Variants in DNAH8 observed in about 807,000 individuals in gnomAD.
The protein encoded by DNAH8 is dynein axonemal heavy chain 8, also known as axonemal beta dynein heavy chain 8.
In DNAH8, 382 loss-of-function variants were observed where a neutral mutation model predicts 562.1. That is an observed-to-expected ratio of 0.68 (90% CI 0.63 to 0.74). The LOEUF (loss-of-function observed/expected upper bound fraction) is 0.74. DNAH8 is among the 30% of genes least tolerant of loss of function. DNAH8 has a pLI of 0.00. For synonymous variants in DNAH8, 1,881 were observed against 1,919.4 expected, an observed-to-expected ratio of 0.98 and a Z score of 0.52; for missense variants, 5,203 against 5,620.4, an observed-to-expected ratio of 0.93 and a Z score of 2.37.
intron 29 of DNAH8, among the ~76,000 whole-genome samples, 197 bp downstream of exon 29, chr6:38,826,588 G>A (rs1362085091): frequency 6.6e-6 from 1 of 152,158 alleles, no homozygotes; most frequent in East Asian, 1.9e-4. Context: ...AGACACTGTT[G>A]TAATACAAAG....
At chr6:38,826,433 G>A (rs527664281) in intron 29 of DNAH8, 42 bp downstream of exon 29, 5 of 1,309,656 alleles carry the variant, frequency 3.8e-6, no homozygotes, top group East Asian at 2.3e-5. Context: ...ATGCTTTTTT[G>A]TTTTTTAAAG....
intron 88 of DNAH8, among the ~76,000 whole-genome samples, chr6:39,006,524 T>C (rs1765808160): frequency 6.6e-6 from 1 of 152,228 alleles, no homozygotes; most frequent in South Asian, 2.1e-4. Context: ...CTTGTTTCCT[T>C]ACAACTTTTT....
chr6:38,832,003 G>A (rs1047871465), intron 30 of DNAH8, among the ~76,000 whole-genome samples: 1 of 152,052 alleles, frequency 6.6e-6, no homozygotes, highest in Non-Finnish European at 1.5e-5. Flanking sequence ...CTAATCCCAA[G>A]TCTTGGCCTA....
At chr6:38,954,207 C>G (rs1017121484) in intron 82 of DNAH8, among the ~76,000 whole-genome samples, 2 of 152,046 alleles carry the variant, frequency 1.3e-5, no homozygotes, top group African/African-American at 4.8e-5. Flanking sequence ...AGCACGAGAG[C>G]CTTTCTAGGA....
intron 88 of DNAH8, among the ~76,000 whole-genome samples, chr6:39,006,517 GTT>G (rs753845204): frequency 6.6e-6 from 1 of 152,092 alleles, no homozygotes; most frequent in Non-Finnish European, 1.5e-5. Context: ...ACAGTTCCTT[GTT>G]TCCTTACAAC....
At chr6:38,889,890 T>C (rs888816732) in intron 57 of DNAH8, among the ~76,000 whole-genome samples, 1 of 122,126 alleles carries the variant, frequency 8.2e-6, no homozygotes, top group African/African-American at 2.8e-5. Flanking sequence ...TGAGCAGATA[T>C]TCATATTCCT....
rs754426830 is a variant in DNAH8 at position 38,917,229 on chromosome 6, C to T, written c.10141-10C>T. ...ACAAACAAAATATTGATCCTTAATC[C>T]CAAATATAGACTATCAAGCCAAATG... On this transcript the variant is annotated splice_polypyrimidine_tract_variant and intron_variant, in intron 68 of 92. Coordinates refer to ENST00000327475, the MANE Select transcript of DNAH8 (RefSeq NM_001206927.2). The T allele has an allele frequency of 1.9e-6, 3 of 1,548,718 alleles. No homozygotes were observed. The highest frequency in any genetic ancestry group is 1.8e-5 in the Admixed American group (1 of 54,464).
chr6:38,762,806 C>T (rs1034940653), intron 11 of DNAH8: 1 of 176,486 alleles, frequency 5.7e-6, no homozygotes, highest in Non-Finnish European at 1.2e-5. Flanking sequence ...GCCCTCCACC[C>T]AGGATGGGAA....
At chr6:38,729,520 T>C (rs1186056925) in intron 3 of DNAH8, among the ~76,000 whole-genome samples, 2 of 152,216 alleles carry the variant, frequency 1.3e-5, no homozygotes, top group Admixed American at 6.5e-5. Context: ...GCTCAAATAA[T>C]TGGTCAACAA....
intron 67 of DNAH8, 124 bp from the exon 68 acceptor site, chr6:38,915,077 G>A: frequency 1.3e-6 from 1 of 798,550 alleles, no homozygotes; most frequent in Non-Finnish European, 1.9e-6. Context: ...AGACAACTTA[G>A]GAAATAAGTT....
chr6:38,806,865 C>T (rs1771324877), intron 23 of DNAH8, among the ~76,000 whole-genome samples: 1 of 152,140 alleles, frequency 6.6e-6, no homozygotes, highest in African/African-American at 2.4e-5. Flanking sequence ...TGACTGTACC[C>T]CACTGCCACA....
intron 30 of DNAH8, among the ~76,000 whole-genome samples, chr6:38,830,758 T>A (rs1773770773): frequency 6.6e-6 from 1 of 152,140 alleles, no homozygotes. Flanking sequence ...ATGGAAATAT[T>A]TGTCACTTAT....
intron 3 of DNAH8, among the ~76,000 whole-genome samples, chr6:38,724,597 A>G (rs1763053354): frequency 6.6e-6 from 1 of 152,206 alleles, no homozygotes; most frequent in Middle Eastern, 3.4e-3. Flanking sequence ...GATTATACCT[A>G]TTTTCCTGGC....
In DNAH8 at chr6:38,862,411, A is replaced by G. The variant is rs1459353320; in HGVS notation, c.6263A>G (p.Asn2088Ser). The G allele has an allele frequency of 5.0e-6, 8 of 1,614,012 alleles. No homozygotes were observed. The highest frequency in any genetic ancestry group is 2.2e-5 in the East Asian group (1 of 44,892). ...TTGGGAAAATATGTGGTCGTGTTCA[A>G]TTGCTCAGATCAAATGGATTTCAGA... The part of the protein sequence containing the change: ...RCLGKYVVVF[N>S]CSDQMDFRGL... Residue 2088 changes from asparagine to serine, a missense_variant, in exon 44 of 93, where the codon AAT becomes AGT. Physicochemically the swap from Asn to Ser is conservative, Grantham distance 46. This residue lies in a region of DNAH8 where 2,176 missense variants were observed against 2,365.1 expected (regional missense o/e 0.92). Transcript: ENST00000327475.
intron 30 of DNAH8, among the ~76,000 whole-genome samples, chr6:38,831,786 A>T (rs1302966552): frequency 6.6e-6 from 1 of 152,206 alleles, no homozygotes; most frequent in African/African-American, 2.4e-5. Context: ...GGGTTGTTAC[A>T]AAGATTAAAA....
chr6:38,922,170 GGCAATCTACCTAGC>G (rs1388422856), intron 71 of DNAH8, among the ~76,000 whole-genome samples: 25 of 151,884 alleles, frequency 1.6e-4, no homozygotes, highest in African/African-American at 5.8e-4. Flanking sequence ...ACCTGACAGG[GGCAATCTACCTAGC>G]TCTGTTTGTA....
At chr6:38,768,128 T>G (rs1156303223) in intron 11 of DNAH8, among the ~76,000 whole-genome samples, 1 of 152,210 alleles carries the variant, frequency 6.6e-6, no homozygotes, top group Non-Finnish European at 1.5e-5. Flanking sequence ...TCAGGCCCTT[T>G]CTCCATTTTT....
chr6:38,952,635 G>A (rs6905820), intron 82 of DNAH8, among the ~76,000 whole-genome samples: 19,998 of 152,124 alleles, frequency 0.13, 1,544 homozygotes, highest in East Asian at 0.31. Flanking sequence ...CTAGCCACAT[G>A]TCCCTCTGCA....
chr6:38,837,619 T>G (rs1425284321), intron 32 of DNAH8, among the ~76,000 whole-genome samples: 1 of 152,168 alleles, frequency 6.6e-6, no homozygotes, highest in East Asian at 1.9e-4. Context: ...TACTGAAAAA[T>G]CCTGAATTGT....
Sources: gnomAD v4.1 joint callset for allele counts (sites outside exome capture counted in the v4.1 genomes callset) on GRCh38, gnomAD v4.1.1 for gene constraint, gnomAD v4.1.1 regional missense constraint, MANE v1.5 for transcripts, NCBI Gene and HGNC (gene_info 2026-07-23, HGNC 2026-07-21) for gene names.